SRRM4: variants seen among roughly 807,000 people sequenced by gnomAD.
The protein encoded by SRRM4 is serine/arginine repetitive matrix protein 4.
Under a neutral mutation model 68.9 loss-of-function variants are expected in SRRM4, and 33 were observed. The observed-to-expected ratio is 0.48, with a 90% CI of 0.36 to 0.64. SRRM4 has a LOEUF of 0.64. SRRM4 is among the 30% of genes least tolerant of loss of function. SRRM4 has a pLI of 0.00. For missense variants in SRRM4, 817 were observed against 827.1 expected, an observed-to-expected ratio of 0.99 and a Z score of 0.15; for synonymous variants, 318 against 318.8, an observed-to-expected ratio of 1.00 and a Z score of 0.03.
At chr12:119,128,932 G>A (rs1237382878) in intron 7 of SRRM4, among the ~76,000 whole-genome samples, 1 of 152,218 alleles carries the variant, frequency 6.6e-6, no homozygotes, top group East Asian at 1.9e-4. Flanking sequence ...CTACTGAGCT[G>A]AGGAGCTTCC....
chr12:119,090,066 T>C (rs925236659), intron 1 of SRRM4, among the ~76,000 whole-genome samples: 6 of 152,080 alleles, frequency 3.9e-5, no homozygotes, highest in Non-Finnish European at 8.8e-5. Context: ...GTTTCTCTGT[T>C]GACAAGGGGC....
At chr12:119,092,781 C>T (rs564023618) in intron 1 of SRRM4, among the ~76,000 whole-genome samples, 3 of 152,228 alleles carry the variant, frequency 2.0e-5, no homozygotes, top group South Asian at 4.2e-4. Context: ...TAAGTCAGAA[C>T]ATATCTATCC....
chr12:118,981,744 T>G lies in SRRM4; in HGVS notation c.-139T>G. ...GGCTGGGGCGTCCCATCCCCCGCCCTGAACTCCGATCTCTCCCACCCCACC... is the reference window on the plus strand; with the variant it reads ...GGCTGGGGCGTCCCATCCCCCGCCCGGAACTCCGATCTCTCCCACCCCACC... On this transcript the variant is annotated 5_prime_UTR_variant, in exon 1 of 13. Transcript: ENST00000267260. 1.5e-5 allele frequency: 8 copies of G among 551,278 alleles called. No homozygotes were observed. Among genetic ancestry groups the G allele is most frequent in the Non-Finnish European group, 2.0e-5 (7 of 346,980 alleles). 34.1% of individuals were successfully genotyped at this position (551,278 alleles called of 1,614,324 possible).
intron 1 of SRRM4, among the ~76,000 whole-genome samples, chr12:119,094,914 G>A (rs7294852): frequency 0.038 from 5,781 of 152,292 alleles, 124 homozygotes; most frequent in African/African-American, 0.051. Flanking sequence ...AGTAATGAAT[G>A]AAATAATGAG....
chr12:119,006,779 C>G (rs1476329916), intron 1 of SRRM4, among the ~76,000 whole-genome samples: 6 of 152,240 alleles, frequency 3.9e-5, no homozygotes, highest in Admixed American at 3.9e-4. Context: ...CAAATGCGAC[C>G]ATAAGCAAGA....
chr12:119,076,717 T>A (rs937991359), intron 1 of SRRM4, among the ~76,000 whole-genome samples: 5 of 152,172 alleles, frequency 3.3e-5, no homozygotes, highest in South Asian at 4.1e-4. Flanking sequence ...CAGCTGGCGC[T>A]TTGCTGATTC....
At chr12:119,074,961 A>G (rs1953899402) in intron 1 of SRRM4, among the ~76,000 whole-genome samples, 1 of 152,228 alleles carries the variant, frequency 6.6e-6, no homozygotes, top group Non-Finnish European at 1.5e-5. Flanking sequence ...ATGGAAGAGA[A>G]AATCTATGAG....
intron 1 of SRRM4, 79 bp from the exon 2 acceptor site, chr12:119,102,157 T>G: frequency 5.8e-6 from 8 of 1,387,566 alleles, no homozygotes; most frequent in Non-Finnish European, 7.9e-6. Context: ...GAAATACTAG[T>G]AATTCTATGA....
intron 1 of SRRM4, among the ~76,000 whole-genome samples, chr12:119,020,414 T>G (rs1220885289): frequency 6.6e-6 from 1 of 152,250 alleles, no homozygotes; most frequent in East Asian, 1.9e-4. Context: ...AAAAATCTGT[T>G]GTCTAAATAT....
chr12:119,161,965 A>C lies in SRRM4; in HGVS notation c.*5167A>C, dbSNP rs1954517160. 6.6e-6 allele frequency: 1 copy of C among 152,050 alleles called. No individual in the cohort carries two copies. 9.4% of individuals were successfully genotyped at this position (152,050 alleles called of 1,614,324 possible). A position where few individuals can be genotyped will look rare whatever the true frequency, so the allele number is the denominator to read the frequency against. On this transcript the variant is annotated 3_prime_UTR_variant, in exon 13 of 13. Transcript: ENST00000267260. ...CTATGCCTCATCTTCTAACGAGCCA[A>C]GCCAAAAAGACTGCAATGGTATTCC... is the stretch of plus-strand genomic sequence containing the variant.
intron 1 of SRRM4, among the ~76,000 whole-genome samples, chr12:119,077,753 C>T (rs1038050462): frequency 6.6e-6 from 1 of 152,152 alleles, no homozygotes; most frequent in Admixed American, 6.5e-5. Context: ...ATCTGGCACA[C>T]AGTAGCTATC....
At chr12:119,079,118 G>C (rs988047436) in intron 1 of SRRM4, among the ~76,000 whole-genome samples, 5 of 152,268 alleles carry the variant, frequency 3.3e-5, no homozygotes, top group South Asian at 2.1e-4. Flanking sequence ...GGATGGGAGA[G>C]AAAGGTGTTG....
intron 1 of SRRM4, among the ~76,000 whole-genome samples, chr12:119,068,757 A>T (rs921810381): frequency 3.3e-5 from 5 of 152,044 alleles, no homozygotes; most frequent in African/African-American, 1.2e-4. Flanking sequence ...AAGCCAAGAG[A>T]TAAAAGCACA....
chr12:119,037,607 T>C (rs1160764185), intron 1 of SRRM4, among the ~76,000 whole-genome samples: 1 of 152,228 alleles, frequency 6.6e-6, no homozygotes, highest in Non-Finnish European at 1.5e-5. Context: ...GATTTATTTA[T>C]ATGTGTACCC....
chr12:119,000,789 T>C (rs1459723559), intron 1 of SRRM4: 1 of 152,194 alleles, frequency 6.6e-6, no homozygotes, highest in African/African-American at 2.4e-5. Context: ...AATGGAAGCT[T>C]ATCACTGTTC....
Position 119,034,926 on chromosome 12 carries a change from G to A in SRRM4, c.131+52913G>A, listed in dbSNP as rs542172017. Among the ~76,000 whole-genome samples, 8 of 152,236 alleles carry A rather than the reference G, an allele frequency of 5.3e-5. No homozygotes were observed. In the South Asian group the frequency reaches 1.7e-3, roughly 32 times the overall value. On this transcript the variant is annotated intron_variant, in intron 1 of 12. Transcript: ENST00000267260. ...ACTGAGAATTTGGGTGATTAGCACTGAAATTTAGCCCTTTTACAATTACGG... is the reference window on the plus strand; with the variant it reads ...ACTGAGAATTTGGGTGATTAGCACTAAAATTTAGCCCTTTTACAATTACGG...
rs73405993 is a variant in SRRM4 at position 119,027,370 on chromosome 12, C to T, written c.131+45357C>T. Among the ~76,000 whole-genome samples the T allele has an allele frequency of 5.1e-3, 779 of 152,274 alleles. 10 individuals are homozygous for T. The highest frequency in any genetic ancestry group is 0.017 in the African/African-American group (711 of 41,564). On this transcript the variant is annotated intron_variant, in intron 1 of 12. Transcript: ENST00000267260. ...AAGTCACAGAATGGGTAGGTGGCAG[C>T]GGAGGGACAAAATCCTAGTCTTCCT... is the stretch of plus-strand genomic sequence containing the variant.
chr12:119,151,274 T>A (rs1327221868), intron 10 of SRRM4, 54 bp downstream of exon 10: 1 of 1,502,316 alleles, frequency 6.7e-7, no homozygotes, highest in African/African-American at 1.4e-5. Context: ...AGGAAATTAG[T>A]TAATTGCAGA....
At chr12:119,082,862 T>A (rs1304194746) in intron 1 of SRRM4, among the ~76,000 whole-genome samples, 1 of 152,168 alleles carries the variant, frequency 6.6e-6, no homozygotes, top group Non-Finnish European at 1.5e-5. Context: ...CTCTGAGCCT[T>A]ATATGGAGAA....
Sources: allele counts gnomAD v4.1 joint callset (sites outside exome capture counted in the v4.1 genomes callset), GRCh38; gene constraint gnomAD v4.1.1; transcripts MANE v1.5; gene names NCBI Gene and HGNC (gene_info 2026-07-23, HGNC 2026-07-21).